Variants in SLC44A5 observed in about 807,000 individuals in gnomAD.
SLC44A5 encodes the protein solute carrier family 44 member 5.
In SLC44A5, 57 loss-of-function variants were observed where a neutral mutation model predicts 101.8. The ratio of observed to expected loss-of-function variants is 0.56; its 90% CI spans 0.45 to 0.70. The LOEUF (loss-of-function observed/expected upper bound fraction) is 0.70, where lower values mean the gene tolerates loss of function less well. Ranked by LOEUF, SLC44A5 falls within the 30% of genes least tolerant of loss-of-function variation. The pLI is 0.00. For missense variants in SLC44A5, 737 were observed against 853.1 expected (o/e 0.86, Z 1.70); for synonymous variants, 281 against 290.9 (o/e 0.97, Z 0.35).
At chr1:75,660,470 C>A in the SLC44A5 span, among the ~76,000 whole-genome samples, 1 of 151,878 alleles carries the variant, frequency 6.6e-6, no homozygotes, top group African/African-American at 2.4e-5. Flanking sequence ...GAAGTCATAG[C>A]CAGAGCAATT....
Position 75,589,671 on chromosome 1 carries a change from A to T in SLC44A5, c.-70+21369T>A, listed in dbSNP as rs537364331. On this transcript the variant is annotated intron_variant, in intron 1 of 23. Transcript: ENST00000370859. ...AGAAAGTGGCACTAAAGAGATAGAAAAAACGGTCCTGAATCACCAATGCCA... is the reference window on the plus strand; with the variant it reads ...AGAAAGTGGCACTAAAGAGATAGAATAAACGGTCCTGAATCACCAATGCCA... 2.0e-5 allele frequency among the ~76,000 whole-genome samples: 3 copies of T among 152,286 alleles called. No homozygotes were observed. In the South Asian group the frequency reaches 6.2e-4, roughly 32 times the overall value.
At chr1:75,372,631 A>C (rs531115711) in intron 3 of SLC44A5, among the ~76,000 whole-genome samples, 1 of 152,362 alleles carries the variant, frequency 6.6e-6, no homozygotes, top group Admixed American at 6.5e-5. Flanking sequence ...AACTGCAAAA[A>C]TTGACCTTGG....
chr1:75,268,388 T>C (rs952573233), intron 6 of SLC44A5, among the ~76,000 whole-genome samples: 4 of 152,196 alleles, frequency 2.6e-5, no homozygotes, highest in African/African-American at 9.6e-5. Flanking sequence ...TTAGGCCATC[T>C]GCTTTGTTTT....
At chr1:75,722,138 T>C in the SLC44A5 span, among the ~76,000 whole-genome samples, 2 of 152,056 alleles carry the variant, frequency 1.3e-5, no homozygotes, top group African/African-American at 2.4e-5. Flanking sequence ...CACACACACA[T>C]AGGTACACAT....
At chr1:75,677,498 A>T in the SLC44A5 span, among the ~76,000 whole-genome samples, 30 of 152,332 alleles carry the variant, frequency 2.0e-4, no homozygotes, top group African/African-American at 7.0e-4. Context: ...AATTTTAAAA[A>T]GCAATATGTT....
In SLC44A5 at chr1:75,213,775, A is replaced by T; in HGVS notation, c.1892T>A (p.Phe631Tyr). Reference protein sequence around the residue: ...AGSIGVLAFLFFTQRLPVIAQ... With the variant: ...AGSIGVLAFLYFTQRLPVIAQ... ...AATCACTGGCAGTCTTTGTGTGAAG[A>T]ATAGGAAGGCCAGAACACCTACATT... Residue 631 changes from phenylalanine to tyrosine, a missense_variant, in exon 22 of 24, where the codon TTC becomes TAC. Physicochemically the swap from Phe to Tyr is conservative, Grantham distance 22 (BLOSUM62 3). Coordinates refer to ENST00000370859, the MANE Select transcript of SLC44A5 (RefSeq NM_001130058.2). 1 of 1,612,464 alleles carries T rather than the reference A, an allele frequency of 6.2e-7. No individual in the cohort carries two copies. Among genetic ancestry groups the T allele is most frequent in the African/African-American group, 1.3e-5 (1 of 74,974 alleles).
chr1:75,376,949 A>T (rs926825106), intron 3 of SLC44A5, among the ~76,000 whole-genome samples: 4 of 152,088 alleles, frequency 2.6e-5, no homozygotes, highest in African/African-American at 9.7e-5. Flanking sequence ...GAAGAATGTA[A>T]AACTAGAATA....
At chr1:75,471,064 G>A (rs1570375811) in intron 2 of SLC44A5, among the ~76,000 whole-genome samples, 1 of 152,066 alleles carries the variant, frequency 6.6e-6, no homozygotes, top group East Asian at 1.9e-4. Context: ...AAAAATAGAG[G>A]GCTCAGACAA....
At chr1:75,354,116 T>C (rs911182928) in intron 3 of SLC44A5, 2 of 260,812 alleles carry the variant, frequency 7.7e-6, no homozygotes, top group African/African-American at 4.6e-5. Flanking sequence ...CTAAAGAACA[T>C]ATACAGGTTA....
At position 75,386,516 on chromosome 1, in the gene SLC44A5, G is replaced by C. The variant is rs200715820; in HGVS notation, c.52+10067C>G. Among the ~76,000 whole-genome samples, 21 of 152,074 alleles carry C rather than the reference G, an allele frequency of 1.4e-4. 1 individual carries two copies. The highest frequency in any genetic ancestry group is 3.9e-4 in the East Asian group (2 of 5,194). ...CCAACTTACAAGGGATGTGAAGGAC[G>C]TCTTCAAGGAGAACTACAAACCGCT... is the stretch of plus-strand genomic sequence containing the variant. On this transcript the variant is annotated intron_variant, in intron 3 of 23. Coordinates refer to ENST00000370859, the MANE Select transcript of SLC44A5 (RefSeq NM_001130058.2).
chr1:75,631,539 A>ATTT, the SLC44A5 span, among the ~76,000 whole-genome samples: 1,135 of 80,682 alleles, frequency 0.014, 27 homozygotes, highest in African/African-American at 0.031. Context: ...CACCTGGCTA[A>ATTT]TTTTTTTTTT....
At chr1:75,590,183 A>G (rs1674269417) in intron 1 of SLC44A5, among the ~76,000 whole-genome samples, 2 of 151,902 alleles carry the variant, frequency 1.3e-5, no homozygotes, top group South Asian at 2.1e-4. Context: ...GCTTGAGGAC[A>G]GAAGAGAGAA....
chr1:75,527,569 A>G (rs1670490121), intron 2 of SLC44A5, among the ~76,000 whole-genome samples: 1 of 152,200 alleles, frequency 6.6e-6, no homozygotes, highest in African/African-American at 2.4e-5. Flanking sequence ...GGAAGAAAAC[A>G]TATCTGGCTG....
At chr1:75,674,827 A>G in the SLC44A5 span, among the ~76,000 whole-genome samples, 2 of 152,254 alleles carry the variant, frequency 1.3e-5, no homozygotes, top group East Asian at 1.9e-4. Context: ...TTTTCTGCAT[A>G]TGGCTAGCCA....
At chr1:75,254,926 A>T (rs1465585335) in intron 6 of SLC44A5, among the ~76,000 whole-genome samples, 2 of 152,146 alleles carry the variant, frequency 1.3e-5, no homozygotes, top group African/African-American at 4.8e-5. Flanking sequence ...AAAATCTCAT[A>T]ATGTTTTAAG....
chr1:75,582,438 G>T, intron 1 of SLC44A5: 4 of 661,552 alleles, frequency 6.0e-6, no homozygotes, highest in Non-Finnish European at 1.1e-5. Flanking sequence ...ATTGCCAAAG[G>T]GCTCAGGCTG....
chr1:75,431,943 C>T (rs1664639106), intron 2 of SLC44A5, among the ~76,000 whole-genome samples: 1 of 152,050 alleles, frequency 6.6e-6, no homozygotes, highest in Non-Finnish European at 1.5e-5. Context: ...TTCACAGTGT[C>T]GAATTTTAGT....
chr1:75,270,679 C>T (rs951858843), intron 6 of SLC44A5, among the ~76,000 whole-genome samples: 1 of 152,078 alleles, frequency 6.6e-6, no homozygotes, highest in Non-Finnish European at 1.5e-5. Context: ...AACATATATA[C>T]ATGATTTTCA....
chr1:75,681,011 G>A, the SLC44A5 span, among the ~76,000 whole-genome samples: 3 of 150,436 alleles, frequency 2.0e-5, no homozygotes, highest in Non-Finnish European at 4.4e-5. Context: ...AGAAAATCTA[G>A]AAGAAATGGA....
Sources: allele counts gnomAD v4.1 joint callset (sites outside exome capture counted in the v4.1 genomes callset), GRCh38; gene constraint gnomAD v4.1.1; transcripts MANE v1.5; gene names NCBI Gene and HGNC (gene_info 2026-07-23, HGNC 2026-07-21).